COG2: variants seen among roughly 807,000 people sequenced by gnomAD.
COG2 encodes the protein component of oligomeric golgi complex 2.
Under a neutral mutation model 90.6 loss-of-function variants are expected in COG2, and 52 were observed. That is an observed-to-expected ratio of 0.57 (90% CI 0.46 to 0.72). The LOEUF (loss-of-function observed/expected upper bound fraction) is 0.72. COG2 is among the 30% of genes least tolerant of loss of function. The pLI, the probability that COG2 is intolerant of heterozygous loss-of-function variation, is 0.00. For synonymous variants in COG2, 337 were observed against 320.4 expected (o/e 1.05, Z -0.55); for missense variants, 829 against 891.2 (o/e 0.93, Z 0.89).
chr1:230,650,560 T>C (rs982716898), intron 1 of COG2, among the ~76,000 whole-genome samples: 25 of 152,210 alleles, frequency 1.6e-4, no homozygotes, highest in Non-Finnish European at 3.1e-4. Flanking sequence ...TACTTGTTTT[T>C]TTCTTGTTGA....
intron 17 of COG2, chr1:230,691,890 C>G (rs1214727993): frequency 9.2e-6 from 2 of 218,564 alleles, no homozygotes; most frequent in Non-Finnish European, 1.8e-5. Flanking sequence ...GTGCGAACCC[C>G]AGGCTTTTGA....
intron 4 of COG2, 71 bp from the exon 5 acceptor site, chr1:230,664,413 C>G (rs934406913): frequency 1.6e-6 from 1 of 626,592 alleles, no homozygotes; most frequent in Non-Finnish European, 2.6e-6. Flanking sequence ...TTTTCCTGTA[C>G]TTAGGATGAT....
In COG2 at chr1:230,644,443, G is replaced by A. The variant is rs147005719; in HGVS notation, c.72+1765G>A. On this transcript the variant is annotated intron_variant, in intron 1 of 17. Transcript: ENST00000366669. ...ACACTTGTCCAGGCTATATTTCTAT[G>A]TTTGTGTCTCATTCAGCACATTTTG... Among the ~76,000 whole-genome samples, 1,384 of 152,308 alleles carry A rather than the reference G, an allele frequency of 9.1e-3. 6 individuals are homozygous for A. The highest frequency in any genetic ancestry group is 0.015 in the Non-Finnish European group (992 of 68,014).
chr1:230,680,972 A>G (rs1300915557), intron 10 of COG2: 1 of 152,180 alleles, frequency 6.6e-6, no homozygotes, highest in Non-Finnish European at 1.5e-5. Context: ...TACTCTCAGT[A>G]ATAGTTTTCT....
chr1:230,654,348 C>G (rs1350296004), intron 1 of COG2, among the ~76,000 whole-genome samples: 3 of 152,164 alleles, frequency 2.0e-5, no homozygotes, highest in Non-Finnish European at 2.9e-5. Flanking sequence ...GCCAGCTTTC[C>G]CAACATCATT....
intron 9 of COG2, 42 bp downstream of exon 9, chr1:230,675,166 C>T (rs376895049): frequency 5.1e-5 from 80 of 1,580,554 alleles, no homozygotes; most frequent in Middle Eastern, 1.7e-4. Flanking sequence ...AGATGTTAAC[C>T]GGAGACTGGA....
At position 230,693,610 on chromosome 1, in the gene COG2, T is replaced by C. The variant is rs1373423377; in HGVS notation, c.*217T>C. ...AAGCCTTTTTCCATTGTATGGAAGA[T>C]AGTTTTTAAGACATTTGAAACTTTC... On this transcript the variant is annotated 3_prime_UTR_variant, in exon 18 of 18. Coordinates refer to ENST00000366669, the MANE Select transcript of COG2 (RefSeq NM_007357.3). The C allele has an allele frequency of 5.0e-6, 2 of 398,864 alleles. No homozygotes were observed. Among genetic ancestry groups the C allele is most frequent in the Non-Finnish European group, 8.9e-6 (2 of 224,238 alleles). The allele number at this position is 398,864 out of a possible 1,614,324, so 24.7% of individuals were successfully genotyped here. A position where few individuals can be genotyped will look rare whatever the true frequency, so the allele number is the denominator to read the frequency against.
intron 10 of COG2, 135 bp downstream of exon 10, chr1:230,679,187 T>C (rs1662672473): frequency 1.2e-6 from 1 of 815,328 alleles, no homozygotes; most frequent in Non-Finnish European, 1.8e-6. Flanking sequence ...AAATTGAAAG[T>C]GGAGAAAGAG....
In COG2 at chr1:230,675,080, T is replaced by C; in HGVS notation, c.982T>C (p.Leu328=). 1 of 1,612,854 alleles carries C rather than the reference T, an allele frequency of 6.2e-7. No individual in the cohort carries two copies. Among genetic ancestry groups the C allele is most frequent in the Non-Finnish European group, 8.5e-7 (1 of 1,179,408 alleles). ...PQIVQGLEEK[L]PSLFNPGNPD... ...AATAGTACAAGGATTAGAAGAAAAG[T>C]TACCCTCGCTTTTTAATCCTGGGAA... Residue 328 remains leucine (L), a synonymous_variant, in exon 9 of 18, where the codon TTA becomes CTA. Coordinates refer to ENST00000366669, the MANE Select transcript of COG2 (RefSeq NM_007357.3).
At chr1:230,681,896 C>CA in intron 10 of COG2, 1 of 152,254 alleles carries the variant, frequency 6.6e-6, no homozygotes, top group African/African-American at 2.4e-5. Flanking sequence ...TCCCTGCTCA[C>CA]AGACAGGCAG....
At chr1:230,692,918 A>G (rs74144803) in intron 17 of COG2, among the ~76,000 whole-genome samples, 5,389 of 152,188 alleles carry the variant, frequency 0.035, 326 homozygotes, top group African/African-American at 0.12. Flanking sequence ...TTTTGGCAAT[A>G]TGTTAAGAAA....
chr1:230,658,451 A>G (rs1350822071), intron 1 of COG2, among the ~76,000 whole-genome samples: 1 of 152,144 alleles, frequency 6.6e-6, no homozygotes, highest in Non-Finnish European at 1.5e-5. Context: ...CACCTGCCAG[A>G]TGCCAGCCAG....
chr1:230,693,385 C>G lies in COG2; in HGVS notation c.2209C>G (p.Gln737Glu), dbSNP rs144768701. The G allele has an allele frequency of 1.2e-6, 2 of 1,602,946 alleles. No homozygotes were observed. Among genetic ancestry groups the G allele is most frequent in the African/African-American group, 2.7e-5 (2 of 74,574 alleles). ...AAAKDQATAE[Q>E]P ...TGCCAAGGACCAGGCAACAGCAGAG[C>G]AGCCTTAAGCATCTTGGAAGATCCC... Residue 737 changes from glutamine (Q) to glutamate (E), a missense_variant, in exon 18 of 18, where the codon CAG becomes GAG. By Grantham distance (29) the Gln-to-Glu change is conservative. Transcript: ENST00000366669.
chr1:230,691,729 A>G, intron 17 of COG2, 165 bp downstream of exon 17: 1 of 615,298 alleles, frequency 1.6e-6, no homozygotes, highest in East Asian at 2.8e-5. Flanking sequence ...CTTTGCCCCT[A>G]GGCAGTATGA....
chr1:230,672,424 A>G (rs1662471996), intron 8 of COG2, among the ~76,000 whole-genome samples: 1 of 151,858 alleles, frequency 6.6e-6, no homozygotes, highest in African/African-American at 2.4e-5. Flanking sequence ...GCTCCCTTGT[A>G]CTCACGTGCT....
intron 1 of COG2, among the ~76,000 whole-genome samples, chr1:230,650,031 T>C (rs1041864496): frequency 2.4e-4 from 36 of 152,364 alleles, no homozygotes; most frequent in African/African-American, 8.4e-4. Context: ...GCTCCATCCA[T>C]GTTGCTGCAA....
Position 230,649,203 on chromosome 1 carries a change from A to G in COG2, c.72+6525A>G, listed in dbSNP as rs940732927. 3.9e-5 allele frequency among the ~76,000 whole-genome samples: 6 copies of G among 152,196 alleles called. No homozygotes were observed. The South Asian group carries it at 1.2e-3, about 32-fold the overall frequency. On this transcript the variant is annotated intron_variant, in intron 1 of 17. Transcript: ENST00000366669. Reference sequence around the variant, plus strand: ...GATGCTGGAAAACACTTTAGCATACATTTTTAATTTCTCAGGCTTCAGTAA... The same window carrying G: ...GATGCTGGAAAACACTTTAGCATACGTTTTTAATTTCTCAGGCTTCAGTAA...
At chr1:230,647,875 CTGAT>C (rs1558266767) in intron 1 of COG2, among the ~76,000 whole-genome samples, 1 of 151,750 alleles carries the variant, frequency 6.6e-6, no homozygotes, top group African/African-American at 2.4e-5. Context: ...CAATTAATGA[CTGAT>C]TGAATTAGAG....
intron 6 of COG2, 94 bp from the exon 7 acceptor site, chr1:230,669,262 C>T: frequency 3.7e-6 from 4 of 1,088,302 alleles, no homozygotes; most frequent in Non-Finnish European, 5.3e-6. Context: ...ATGTCATTAT[C>T]TGTTGGTGTA....
Sources: allele counts gnomAD v4.1 joint callset (sites outside exome capture counted in the v4.1 genomes callset), GRCh38; gene constraint gnomAD v4.1.1; transcripts MANE v1.5; gene names NCBI Gene and HGNC (gene_info 2026-07-23, HGNC 2026-07-21).